Variants in KCNN2 observed in about 807,000 individuals in gnomAD.
KCNN2 encodes the protein small conductance calcium-activated potassium channel protein 2.
In KCNN2, 24 loss-of-function variants were observed where a neutral mutation model predicts 55.5. That is an observed-to-expected ratio of 0.43 (90% confidence interval 0.31 to 0.61). The LOEUF (loss-of-function observed/expected upper bound fraction) is 0.61. Among genes scored for constraint, KCNN2 ranks in the 20% least tolerant of loss-of-function variants. KCNN2 has a pLI of 0.08. For missense variants in KCNN2, 754 were observed against 853.6 expected (o/e 0.88, Z 1.45); for synonymous variants, 431 against 336.1 (o/e 1.28, Z -3.09).
Position 114,218,891 on chromosome 5 carries a change from A to C in KCNN2, c.-270-2589A>C, listed in dbSNP as rs540332052. ...GATATTTCTCTGACACCTTCATGGG[A>C]CTTGTGGCATGGTACCTTGTTCACT... On this transcript the variant is annotated intron_variant, in intron 1 of 10. Coordinates refer to the KCNN2 transcript ENST00000512097. 2.8e-3 allele frequency among the ~76,000 whole-genome samples: 433 copies of C among 152,220 alleles called. 4 individuals are homozygous for C. Among genetic ancestry groups the C allele is most frequent in the African/African-American group, 0.01 (421 of 41,540 alleles).
At chr5:114,495,810 A>G (rs1187048098) in intron 7 of KCNN2, 85 bp from the exon 8 acceptor site, 3 of 1,321,336 alleles carry the variant, frequency 2.3e-6, no homozygotes, top group African/African-American at 2.9e-5. Context: ...GCCACCAGCA[A>G]GAGACCAGAG....
chr5:114,074,372 G>A (rs980915975), intron 1 of KCNN2, among the ~76,000 whole-genome samples: 1 of 151,756 alleles, frequency 6.6e-6, no homozygotes, highest in African/African-American at 2.4e-5. Flanking sequence ...CTTTAAGGTA[G>A]CTTGTTAAAA....
At chr5:114,132,625 T>C (rs1484724690) in intron 1 of KCNN2, among the ~76,000 whole-genome samples, 1 of 152,232 alleles carries the variant, frequency 6.6e-6, no homozygotes. Context: ...AAGCATAGAC[T>C]CTAATGGTTC....
intron 1 of KCNN2, among the ~76,000 whole-genome samples, chr5:114,168,928 G>A (rs888200751): frequency 6.6e-6 from 1 of 152,020 alleles, no homozygotes; most frequent in African/African-American, 2.4e-5. Flanking sequence ...CCCACGTATT[G>A]GAGGTAGGGC....
At chr5:114,372,622 T>C (rs1757796880) in intron 2 of KCNN2, among the ~76,000 whole-genome samples, 2 of 152,092 alleles carry the variant, frequency 1.3e-5, no homozygotes, top group South Asian at 4.1e-4. Context: ...TAACTATTCA[T>C]GTTAGAAAAT....
intron 2 of KCNN2, among the ~76,000 whole-genome samples, chr5:114,309,405 A>G (rs775884162): frequency 1.3e-5 from 2 of 152,188 alleles, no homozygotes; most frequent in East Asian, 3.8e-4. Context: ...CACAAATTAT[A>G]TATTACCCTG....
intron 1 of KCNN2, among the ~76,000 whole-genome samples, chr5:114,174,702 C>T (rs947046398): frequency 2.0e-5 from 3 of 152,108 alleles, no homozygotes; most frequent in African/African-American, 7.2e-5. Context: ...TTTCCCTTCT[C>T]GATAAAACAG....
intron 2 of KCNN2, among the ~76,000 whole-genome samples, chr5:114,312,687 T>C: frequency 6.6e-6 from 1 of 151,790 alleles, no homozygotes; most frequent in Non-Finnish European, 1.5e-5. Context: ...TAAGCCCTAA[T>C]GATTGTGGAA....
intron 2 of KCNN2, among the ~76,000 whole-genome samples, chr5:114,247,685 GT>G (rs1754775092): frequency 6.6e-6 from 1 of 152,174 alleles, no homozygotes; most frequent in South Asian, 2.1e-4. Flanking sequence ...GATGGGATTT[GT>G]CAGACTACCT....
chr5:114,329,304 A>G (rs894474280), intron 2 of KCNN2, among the ~76,000 whole-genome samples: 2 of 152,194 alleles, frequency 1.3e-5, no homozygotes, highest in Non-Finnish European at 2.9e-5. Flanking sequence ...GGGTGTTGCC[A>G]AAGAAGATTA....
chr5:114,341,856 T>C (rs1168842846), intron 2 of KCNN2, among the ~76,000 whole-genome samples: 1 of 152,048 alleles, frequency 6.6e-6, no homozygotes, highest in South Asian at 2.1e-4. Context: ...CAGCCTACTG[T>C]TGGTTAAAAT....
chr5:114,380,279 C>G (rs1452478356), intron 2 of KCNN2, among the ~76,000 whole-genome samples: 1 of 152,192 alleles, frequency 6.6e-6, no homozygotes, highest in African/African-American at 2.4e-5. Flanking sequence ...CCTCCCTCCC[C>G]CTGCTTCTTT....
Position 114,092,877 on chromosome 5 carries a change from A to G in KCNN2, c.-271+36377A>G, listed in dbSNP as rs191121951. ...GGCCTTGGGCCTGGCCCATGAAACT[A>G]TTTTTTCTTCCTGGGCCTCCAGGCT... On this transcript the variant is annotated intron_variant, in intron 1 of 10. Transcript: ENST00000512097. Among the ~76,000 whole-genome samples, 3 of 151,884 alleles carry G rather than the reference A, an allele frequency of 2.0e-5. 1 individual carries two copies. The highest frequency in any genetic ancestry group is 3.9e-4 in the East Asian group (2 of 5,126).
intron 2 of KCNN2, among the ~76,000 whole-genome samples, chr5:114,341,954 T>G (rs987664258): frequency 2.0e-5 from 3 of 151,670 alleles, no homozygotes; most frequent in African/African-American, 4.9e-5. Flanking sequence ...CAGGCTGTAG[T>G]GCAGTGGCAT....
At chr5:114,242,588 C>G (rs534740548) in intron 2 of KCNN2, among the ~76,000 whole-genome samples, 2 of 152,114 alleles carry the variant, frequency 1.3e-5, no homozygotes, top group South Asian at 4.1e-4. Flanking sequence ...GACCAGTGTT[C>G]TATGTATTTA....
At chr5:114,348,350 C>T (rs1403687175) in intron 2 of KCNN2, among the ~76,000 whole-genome samples, 1 of 151,706 alleles carries the variant, frequency 6.6e-6, no homozygotes, top group Admixed American at 6.6e-5. Flanking sequence ...TGCAGCACAC[C>T]AGCATGGCAC....
At chr5:114,141,065 G>A (rs1247604333) in intron 1 of KCNN2, among the ~76,000 whole-genome samples, 5 of 152,014 alleles carry the variant, frequency 3.3e-5, no homozygotes, top group African/African-American at 1.2e-4. Flanking sequence ...GGGATTACAG[G>A]CATAAGCCAC....
At chr5:114,475,549 A>G (rs1461538331) in intron 5 of KCNN2, among the ~76,000 whole-genome samples, 1 of 152,232 alleles carries the variant, frequency 6.6e-6, no homozygotes, top group Non-Finnish European at 1.5e-5. Flanking sequence ...TAAAAAATAT[A>G]CTGTATACTA....
At chr5:114,330,080 T>C (rs1470277362) in intron 2 of KCNN2, among the ~76,000 whole-genome samples, 1 of 152,198 alleles carries the variant, frequency 6.6e-6, no homozygotes, top group African/African-American at 2.4e-5. Flanking sequence ...CAGAATGTGT[T>C]GAAATAGCCC....
Sources: gnomAD v4.1 joint callset for allele counts (sites outside exome capture counted in the v4.1 genomes callset) on GRCh38, gnomAD v4.1.1 for gene constraint, MANE v1.5 for transcripts, NCBI Gene and HGNC (gene_info 2026-07-23, HGNC 2026-07-21) for gene names.